The following DOP1A variants were observed in gnomAD, a reference collection of about 807,000 sequenced individuals.
DOP1A encodes the protein protein DOP1A.
In DOP1A, 90 loss-of-function variants were observed where a neutral mutation model predicts 267.6. The observed-to-expected ratio is 0.34, with a 90% CI of 0.28 to 0.40. The LOEUF is 0.40. DOP1A is among the 10% of genes least tolerant of loss of function. DOP1A has a pLI of 1.00. For missense variants in DOP1A, 2,437 were observed against 2,900.4 expected (o/e 0.84, Z 3.67); for synonymous variants, 932 against 999.1 (o/e 0.93, Z 1.27).
chr6:83,117,508 G>A lies in DOP1A; in HGVS notation c.781-1380G>A, dbSNP rs186278408. 1.1e-3 allele frequency among the ~76,000 whole-genome samples: 165 copies of A among 152,150 alleles called. 2 individuals carry two copies. Among genetic ancestry groups the A allele is most frequent in the African/African-American group, 3.9e-3 (161 of 41,528 alleles). On this transcript the variant is annotated intron_variant, in intron 7 of 38. Coordinates refer to ENST00000349129, the MANE Select transcript of DOP1A (RefSeq NM_015018.4). ...TATTATACAGAATATTAAAAGACAT[G>A]CACTCAAAGGTTGATACTTATTTTT...
Position 83,138,732 on chromosome 6 carries a change from C to T in DOP1A, c.4690C>T (p.Leu1564Phe), listed in dbSNP as rs747463500. 3.7e-6 allele frequency: 6 copies of T among 1,613,840 alleles called. No individual in the cohort carries two copies. The African/African-American group carries it at 8.0e-5, about 22-fold the overall frequency. ...AVEEGFSEDS[L>F]INFSEDEFDN... ...GGAAGAAGGTTTCTCAGAGGACAGC[C>T]TTATTAATTTCTCAGAGGATGAATT... Residue 1564 changes from leucine (L) to phenylalanine (F), a missense_variant, in exon 21 of 39, where the codon CTT becomes TTT. Transcript: ENST00000349129.
chr6:83,145,735 A>G (rs1348090045), intron 25 of DOP1A, 77 bp downstream of exon 25: 1 of 1,442,222 alleles, frequency 6.9e-7, no homozygotes, highest in Admixed American at 1.9e-5. Context: ...TTTTTGTACA[A>G]TAATGTCCTT....
At chr6:83,113,804 C>T (rs1774959763) in intron 7 of DOP1A, among the ~76,000 whole-genome samples, 2 of 152,128 alleles carry the variant, frequency 1.3e-5, no homozygotes. Flanking sequence ...GCAGAGTTGA[C>T]TATAACTTAA....
chr6:83,131,737 G>A (rs1344642798), intron 17 of DOP1A, among the ~76,000 whole-genome samples: 1 of 151,992 alleles, frequency 6.6e-6, no homozygotes, highest in Non-Finnish European at 1.5e-5. Context: ...TCGGGTTCAA[G>A]CAATTCTCGT....
intron 1 of DOP1A, among the ~76,000 whole-genome samples, chr6:83,083,415 T>C (rs1768497288): frequency 6.7e-6 from 1 of 148,752 alleles, no homozygotes; most frequent in African/African-American, 2.5e-5. Flanking sequence ...TTAAGACTTG[T>C]GGTTTAAAAA....
intron 24 of DOP1A, among the ~76,000 whole-genome samples, chr6:83,142,757 T>G (rs1779864640): frequency 6.6e-6 from 1 of 152,192 alleles, no homozygotes; most frequent in South Asian, 2.1e-4. Flanking sequence ...CACAAATTTT[T>G]TTTTCTACTT....
In DOP1A at chr6:83,162,773, CATT is replaced by C; in HGVS notation, c.6963-13_6963-11del. On this transcript the variant is annotated splice_polypyrimidine_tract_variant and intron_variant, in intron 37 of 38. Coordinates refer to ENST00000349129, the MANE Select transcript of DOP1A (RefSeq NM_015018.4). Reference sequence around the variant, plus strand: ...AAGTCTGTCTTACTGATGCTGATGTCATTATTCTATACATAGGTACCGATGGGC... The same window carrying C: ...AAGTCTGTCTTACTGATGCTGATGTCATTCTATACATAGGTACCGATGGGC... 1 of 1,596,704 alleles carries C rather than the reference CATT, an allele frequency of 6.3e-7. No homozygotes were observed. The highest frequency in any genetic ancestry group is 8.5e-7 in the Non-Finnish European group (1 of 1,172,024).
chr6:83,168,412 GT>G lies in DOP1A; in HGVS notation c.*250del. On this transcript the variant is annotated 3_prime_UTR_variant, in exon 39 of 39. Coordinates refer to ENST00000349129, the MANE Select transcript of DOP1A (RefSeq NM_015018.4). ...TATATATACACATGTAAAGTCCATT[GT>G]TTTTATTGTCCTGAGTTGTCTTAAA... 6 of 1,202,444 alleles carry G rather than the reference GT, an allele frequency of 5.0e-6. No individual in the cohort carries two copies. The South Asian group carries it at 1.6e-4, about 32-fold the overall frequency. The allele number at this position is 1,202,444 out of a possible 1,614,324, so 74.5% of individuals were successfully genotyped here.
intron 19 of DOP1A, among the ~76,000 whole-genome samples, chr6:83,134,633 C>A (rs770788224): frequency 3.3e-5 from 5 of 152,080 alleles, no homozygotes; most frequent in Non-Finnish European, 5.9e-5. Flanking sequence ...ATGTGTTTCT[C>A]AAGCAATTAT....
chr6:83,148,453 G>A (rs547559139), intron 26 of DOP1A, among the ~76,000 whole-genome samples: 2 of 151,940 alleles, frequency 1.3e-5, no homozygotes, highest in Admixed American at 6.6e-5. Flanking sequence ...ATTGCACTGG[G>A]GCCAGATGCA....
At position 83,118,932 on chromosome 6, in the gene DOP1A, T is replaced by C. The variant is rs949450865; in HGVS notation, c.825T>C (p.His275=). The change falls in exon 8 of 39, where the codon CAT becomes CAC. Residue 275 remains histidine, a synonymous_variant. Transcript: ENST00000349129. Reference sequence around the variant, plus strand: ...TCAGGATCTTGTCAGCAGCCCTTCATGTAGTGCTAAGGAGGGATATGTCTC... The same window carrying C: ...TCAGGATCTTGTCAGCAGCCCTTCACGTAGTGCTAAGGAGGGATATGTCTC... ...DMIRILSAAL[H]VVLRRDMSLN... 1.9e-6 allele frequency: 3 copies of C among 1,613,634 alleles called. No individual in the cohort carries two copies. The highest frequency in any genetic ancestry group is 1.1e-5 in the South Asian group (1 of 91,078).
chr6:83,109,373 G>T (rs1774169836), intron 5 of DOP1A, among the ~76,000 whole-genome samples: 1 of 152,076 alleles, frequency 6.6e-6, no homozygotes, highest in South Asian at 2.1e-4. Context: ...ACTTTATTTA[G>T]TTTCCTCATC....
At chr6:83,075,392 G>A (rs1562264112) in intron 1 of DOP1A, among the ~76,000 whole-genome samples, 2 of 152,134 alleles carry the variant, frequency 1.3e-5, no homozygotes, top group Non-Finnish European at 2.9e-5. Context: ...TATGATAGAG[G>A]AAGTATAGCA....
intron 23 of DOP1A, among the ~76,000 whole-genome samples, chr6:83,141,711 T>C (rs1482701111): frequency 6.6e-6 from 1 of 152,212 alleles, no homozygotes; most frequent in East Asian, 1.9e-4. Context: ...ATTTGGCTGA[T>C]TGGTAGCCGT....
intron 23 of DOP1A, 103 bp from the exon 24 acceptor site, chr6:83,141,818 T>C: frequency 8.5e-7 from 1 of 1,172,540 alleles, no homozygotes; most frequent in Non-Finnish European, 1.2e-6. Flanking sequence ...TAGTAAAACC[T>C]ATAAGTACTA....
intron 21 of DOP1A, among the ~76,000 whole-genome samples, chr6:83,139,557 CTT>C (rs1171551721): frequency 6.6e-6 from 1 of 152,008 alleles, no homozygotes; most frequent in Non-Finnish European, 1.5e-5. Context: ...AATTTTATTT[CTT>C]GTTTTGGATT....
chr6:83,098,954 A>G (rs7742531), intron 3 of DOP1A, among the ~76,000 whole-genome samples: 148,889 of 152,266 alleles, frequency 0.98, 72,885 homozygotes, highest in Middle Eastern at 1. Context: ...CTTCTGAAAT[A>G]GGGGTCTTTG....
At chr6:83,080,420 A>G (rs1320359016) in intron 1 of DOP1A, among the ~76,000 whole-genome samples, 2 of 152,176 alleles carry the variant, frequency 1.3e-5, no homozygotes, top group African/African-American at 4.8e-5. Context: ...TGTTTTCTGA[A>G]CTATCATTTT....
chr6:83,119,872 T>C lies in DOP1A; in HGVS notation c.990+15T>C, dbSNP rs1263816349. On this transcript the variant is annotated intron_variant, in intron 9 of 38. Transcript: ENST00000349129. ...TATTAGTCCAGGTAATGAATACTTTTATTATTCTTTGGTTACTTACTGACC... is the reference window on the plus strand; with the variant it reads ...TATTAGTCCAGGTAATGAATACTTTCATTATTCTTTGGTTACTTACTGACC... 5 of 1,588,006 alleles carry C rather than the reference T, an allele frequency of 3.1e-6. No individual in the cohort carries two copies. The highest frequency in any genetic ancestry group is 4.3e-6 in the Non-Finnish European group (5 of 1,157,496).
Sources: allele counts gnomAD v4.1 joint callset (sites outside exome capture counted in the v4.1 genomes callset), GRCh38; gene constraint gnomAD v4.1.1; transcripts MANE v1.5; gene names NCBI Gene and HGNC (gene_info 2026-07-23, HGNC 2026-07-21).